Variants in PLD1 observed in about 807,000 individuals in gnomAD.
PLD1 encodes the protein choline phosphatase 1.
PLD1 carries 112 observed loss-of-function variants against 137.1 expected under a neutral mutation model. That is an observed-to-expected ratio of 0.82 (90% CI 0.70 to 0.96). PLD1 has a LOEUF of 0.96. PLD1 is among the 40% of genes least tolerant of loss of function. The pLI is 0.00. For missense variants in PLD1, 1,321 were observed against 1,342.0 expected (o/e 0.98, Z 0.24); for synonymous variants, 431 against 454.7 (o/e 0.95, Z 0.66).
chr3:171,731,797 G>A (rs2108254981), intron 6 of PLD1, among the ~76,000 whole-genome samples: 1 of 152,106 alleles, frequency 6.6e-6, no homozygotes, highest in Middle Eastern at 3.4e-3. Flanking sequence ...AAGAAAATGA[G>A]AGGAGAATCT....
chr3:171,763,402 A>G (rs1046784169), intron 1 of PLD1, among the ~76,000 whole-genome samples: 1 of 147,646 alleles, frequency 6.8e-6, no homozygotes, highest in Non-Finnish European at 1.5e-5. Flanking sequence ...CAGCCTGGGC[A>G]AAAGAGCAAG....
chr3:171,645,801 G>A (rs9864124), intron 21 of PLD1, among the ~76,000 whole-genome samples: 11,710 of 150,362 alleles, frequency 0.078, 1,308 homozygotes, highest in African/African-American at 0.25. Context: ...GGAGAATGGC[G>A]TGAACCCGGG....
chr3:171,734,147 T>G (rs542206508), intron 5 of PLD1, among the ~76,000 whole-genome samples: 1 of 152,278 alleles, frequency 6.6e-6, no homozygotes, highest in Non-Finnish European at 1.5e-5. Flanking sequence ...ACCAAAACTA[T>G]ATAATTTTAT....
rs558173253 is a variant in PLD1 at position 171,729,218 on chromosome 3, T to G, written c.607-3142A>C. Among the ~76,000 whole-genome samples, 10 of 152,352 alleles carry G rather than the reference T, an allele frequency of 6.6e-5. No homozygotes were observed. In the East Asian group the frequency reaches 1.9e-3, roughly 29 times the overall value. On this transcript the variant is annotated intron_variant, in intron 6 of 26. Coordinates refer to ENST00000351298, the MANE Select transcript of PLD1 (RefSeq NM_002662.5). ...TGTATAATCAATACCTTTTTGTCTT[T>G]GTTTTTTTGGCAAAGGAATTTGTAA...
At chr3:171,702,264 T>C (rs775909090) in intron 11 of PLD1, among the ~76,000 whole-genome samples, 7 of 152,088 alleles carry the variant, frequency 4.6e-5, no homozygotes, top group Non-Finnish European at 8.8e-5. Context: ...AATGGGAGGA[T>C]TGCATAAGCC....
chr3:171,785,498 G>A (rs1433474773), intron 1 of PLD1, among the ~76,000 whole-genome samples: 1 of 150,502 alleles, frequency 6.6e-6, no homozygotes, highest in Non-Finnish European at 1.5e-5. Flanking sequence ...GAGTGCACTG[G>A]CATGATCTCA....
chr3:171,665,697 T>C (rs1712053075), intron 19 of PLD1, among the ~76,000 whole-genome samples: 1 of 148,174 alleles, frequency 6.7e-6, no homozygotes, highest in Admixed American at 6.7e-5. Flanking sequence ...TGAAACTGCG[T>C]CTCAAAAGAA....
intron 25 of PLD1, among the ~76,000 whole-genome samples, chr3:171,605,743 TG>T (rs1417756521): frequency 1.3e-5 from 2 of 152,314 alleles, no homozygotes; most frequent in African/African-American, 4.8e-5. Flanking sequence ...TAATCCTGTG[TG>T]GTAGGCGGGA....
intron 1 of PLD1, among the ~76,000 whole-genome samples, chr3:171,773,913 T>C (rs1462776594): frequency 1.3e-5 from 2 of 151,500 alleles, no homozygotes; most frequent in African/African-American, 4.9e-5. Flanking sequence ...CGCACCCAGC[T>C]AATTTTTTGT....
intron 22 of PLD1, among the ~76,000 whole-genome samples, chr3:171,643,785 A>T: frequency 6.6e-6 from 1 of 152,104 alleles, no homozygotes; most frequent in Non-Finnish European, 1.5e-5. Flanking sequence ...GAAATGTGCA[A>T]ATCTTCAGTC....
intron 23 of PLD1, among the ~76,000 whole-genome samples, chr3:171,624,231 T>G (rs1168285949): frequency 2.0e-5 from 3 of 152,086 alleles, no homozygotes; most frequent in South Asian, 2.1e-4. Flanking sequence ...AACACATGAA[T>G]AGACAATTCA....
chr3:171,753,722 A>G (rs770391970), intron 1 of PLD1, among the ~76,000 whole-genome samples: 7 of 151,890 alleles, frequency 4.6e-5, no homozygotes, highest in Non-Finnish European at 1.0e-4. Context: ...TCCTCTCATT[A>G]TTTCATCAGT....
Position 171,737,652 on chromosome 3 carries a change from G to A in PLD1, c.168C>T (p.Ile56=), listed in dbSNP as rs756239253. 1.3e-6 allele frequency: 2 copies of A among 1,532,846 alleles called. No individual in the cohort carries two copies. Among genetic ancestry groups the A allele is most frequent in the Non-Finnish European group, 1.8e-6 (2 of 1,120,888 alleles). The allele number at this position is 1,532,846 out of a possible 1,614,324, so 95.0% of individuals were successfully genotyped here. ...PSDPKIQEVY[I]PFSAIYNTQG... is the part of the protein sequence containing the mutation. The stretch of plus-strand genomic sequence containing the variant: ...GAGTGTTATAAATAGCAGAGAAAGG[G>A]ATATACACTAAAAAAAAAAGTAAAT... The change falls in exon 3 of 27, where the codon ATC becomes ATT. Residue 56 remains isoleucine, a synonymous_variant. Transcript: ENST00000351298.
chr3:171,680,984 A>G (rs891353010), intron 16 of PLD1, among the ~76,000 whole-genome samples: 39 of 152,214 alleles, frequency 2.6e-4, no homozygotes, highest in Admixed American at 2.3e-3. Context: ...GGATTTTCCA[A>G]CATTTAATGG....
At chr3:171,729,389 G>A (rs1718767211) in intron 6 of PLD1, among the ~76,000 whole-genome samples, 1 of 152,142 alleles carries the variant, frequency 6.6e-6, no homozygotes, top group Non-Finnish European at 1.5e-5. Flanking sequence ...ATATTTCCAT[G>A]CCAAGAGACA....
At chr3:171,734,832 G>C (rs745594789) in intron 5 of PLD1, 33 bp downstream of exon 5, 1 of 1,364,774 alleles carries the variant, frequency 7.3e-7, no homozygotes, top group Non-Finnish European at 1.0e-6. Context: ...TGCAAAATTA[G>C]GTTTAAAACC....
Position 171,677,714 on chromosome 3 carries a change from C to G in PLD1, c.1868-20G>C, listed in dbSNP as rs200456901. On this transcript the variant is annotated intron_variant, in intron 16 of 26. Transcript: ENST00000351298. ...CGGTATCTGTGAATGCAGCAAGACC[C>G]CCTCAGAGACTGTGGTTCAGGTGAG... The G allele has an allele frequency of 1.7e-4, 275 of 1,611,278 alleles. 6 individuals carry two copies. In the East Asian group the frequency reaches 2.3e-3, roughly 13 times the overall value.
At chr3:171,645,878 C>CA (rs901708928) in intron 21 of PLD1, among the ~76,000 whole-genome samples, 3 of 109,272 alleles carry the variant, frequency 2.7e-5, no homozygotes, top group African/African-American at 1.1e-4. Context: ...AGCGAGACTC[C>CA]ATCTCAAAAA....
Position 171,602,609 on chromosome 3 carries a change from C to A in PLD1, c.*469G>T. The A allele has an allele frequency of 5.9e-6, 1 of 168,382 alleles. No homozygotes were observed. The allele number at this position is 168,382 out of a possible 1,614,324, so 10.4% of individuals were successfully genotyped here. A position where few individuals can be genotyped will look rare whatever the true frequency, so the allele number is the denominator to read the frequency against. ...CATGTAACCATGAAGAATCTTGAAGCAGCATTACAACATCTAATAATAAAC... is the reference window on the plus strand; with the variant it reads ...CATGTAACCATGAAGAATCTTGAAGAAGCATTACAACATCTAATAATAAAC... On this transcript the variant is annotated 3_prime_UTR_variant, in exon 27 of 27. Coordinates refer to ENST00000351298, the MANE Select transcript of PLD1 (RefSeq NM_002662.5).
Sources: gnomAD v4.1 joint callset for allele counts (sites outside exome capture counted in the v4.1 genomes callset) on GRCh38, gnomAD v4.1.1 for gene constraint, MANE v1.5 for transcripts, NCBI Gene and HGNC (gene_info 2026-07-23, HGNC 2026-07-21) for gene names.